SGCZ: variants seen among roughly 807,000 people sequenced by gnomAD.
SGCZ encodes the protein zeta-sarcoglycan.
In SGCZ, 40 loss-of-function variants were observed where a neutral mutation model predicts 41.3. That is an observed-to-expected ratio of 0.97 (90% CI 0.75 to 1.26). The LOEUF is 1.26. Ranked by LOEUF, SGCZ falls within the 50% of genes most tolerant of loss-of-function variation. The pLI is 0.00. For synonymous variants in SGCZ, 206 were observed against 137.5 expected (o/e 1.50, Z -3.49); for missense variants, 552 against 369.8 (o/e 1.49, Z -4.04).
intron 1 of SGCZ, among the ~76,000 whole-genome samples, chr8:14,599,394 C>T (rs544869671): frequency 9.2e-5 from 14 of 152,288 alleles, no homozygotes; most frequent in African/African-American, 3.1e-4. Context: ...CTCTCACCTA[C>T]TCAGCACATA....
intron 1 of SGCZ, among the ~76,000 whole-genome samples, chr8:14,694,128 G>A (rs1444102282): frequency 6.6e-6 from 1 of 152,092 alleles, no homozygotes; most frequent in East Asian, 1.9e-4. Context: ...TAATATGTAT[G>A]AAAAACAGAG....
chr8:14,474,816 G>A (rs756651161), intron 2 of SGCZ, among the ~76,000 whole-genome samples: 1 of 152,138 alleles, frequency 6.6e-6, no homozygotes, highest in Non-Finnish European at 1.5e-5. Context: ...CCACCAAAGA[G>A]ATATTGGATT....
intron 2 of SGCZ, among the ~76,000 whole-genome samples, chr8:14,357,508 T>A (rs1194067438): frequency 6.6e-6 from 1 of 152,172 alleles, no homozygotes; most frequent in Non-Finnish European, 1.5e-5. Flanking sequence ...CAGAACTATA[T>A]GCTGTACCTT....
intron 1 of SGCZ, among the ~76,000 whole-genome samples, chr8:14,945,813 T>C (rs917806626): frequency 2.0e-5 from 3 of 150,950 alleles, no homozygotes; most frequent in African/African-American, 7.3e-5. Context: ...ACTCAGGAAC[T>C]AACACCAGTT....
At chr8:14,603,488 A>G (rs919978376) in intron 1 of SGCZ, among the ~76,000 whole-genome samples, 1 of 152,108 alleles carries the variant, frequency 6.6e-6, no homozygotes, top group Non-Finnish European at 1.5e-5. Flanking sequence ...AAGCTTAGGT[A>G]CCGAAAGATG....
intron 1 of SGCZ, among the ~76,000 whole-genome samples, chr8:14,812,370 A>G (rs768916090): frequency 4.6e-4 from 70 of 152,100 alleles, no homozygotes; most frequent in Non-Finnish European, 9.0e-4. Context: ...CAAATTGCCT[A>G]TGAATTGTTA....
chr8:14,087,554 G>A lies in SGCZ; in HGVS notation c.*2889C>T, dbSNP rs1322984932. The stretch of plus-strand genomic sequence containing the variant: ...AATAAGATAGCTTAGTCGCATCCAT[G>A]TAGTACACTATAAAGGACTCATTTT... On this transcript the variant is annotated 3_prime_UTR_variant, in exon 8 of 8. Coordinates refer to ENST00000382080, the MANE Select transcript of SGCZ (RefSeq NM_139167.4). Among the ~76,000 whole-genome samples, 7 of 151,504 alleles carry A rather than the reference G, an allele frequency of 4.6e-5. No homozygotes were observed. In the East Asian group the frequency reaches 9.7e-4, roughly 21 times the overall value.
intron 2 of SGCZ, among the ~76,000 whole-genome samples, chr8:14,430,253 T>C (rs1487981293): frequency 6.6e-6 from 1 of 152,060 alleles, no homozygotes; most frequent in Non-Finnish European, 1.5e-5. Flanking sequence ...AAAAGAAACC[T>C]ACAGACCACT....
At chr8:14,190,672 G>A (rs1362725996) in intron 4 of SGCZ, among the ~76,000 whole-genome samples, 6 of 151,770 alleles carry the variant, frequency 4.0e-5, no homozygotes, top group African/African-American at 7.3e-5. Context: ...ACGCGATCTC[G>A]GCTCACTACA....
intron 1 of SGCZ, among the ~76,000 whole-genome samples, chr8:15,021,235 A>G (rs1228948353): frequency 2.0e-5 from 3 of 152,228 alleles, no homozygotes; most frequent in Non-Finnish European, 4.4e-5. Flanking sequence ...TAAAGAAAAA[A>G]GAAGTGCAAT....
chr8:15,149,177 T>C (rs78249927), intron 1 of SGCZ, among the ~76,000 whole-genome samples: 1 of 129,872 alleles, frequency 7.7e-6, no homozygotes, highest in African/African-American at 2.8e-5. Context: ...ATTATTCTTA[T>C]TTTTTTTTAT....
At chr8:14,236,550 G>C (rs1297268788) in intron 4 of SGCZ, among the ~76,000 whole-genome samples, 1 of 151,514 alleles carries the variant, frequency 6.6e-6, no homozygotes, top group African/African-American at 2.4e-5. Context: ...AGAAATATTG[G>C]AAATATACAT....
intron 1 of SGCZ, among the ~76,000 whole-genome samples, chr8:14,581,607 G>C (rs1804891528): frequency 6.6e-6 from 1 of 152,036 alleles, no homozygotes; most frequent in Non-Finnish European, 1.5e-5. Flanking sequence ...AGGCAAAACA[G>C]AATCACCTGT....
chr8:14,443,875 A>G (rs1800349142), intron 2 of SGCZ, among the ~76,000 whole-genome samples: 3 of 152,182 alleles, frequency 2.0e-5, no homozygotes, highest in African/African-American at 7.2e-5. Flanking sequence ...TGAACAGGCA[A>G]CCTACAGAAT....
At chr8:14,650,348 T>G (rs1807357177) in intron 1 of SGCZ, among the ~76,000 whole-genome samples, 1 of 152,028 alleles carries the variant, frequency 6.6e-6, no homozygotes, top group African/African-American at 2.4e-5. Flanking sequence ...GGATGATGTT[T>G]TTTAAAAAAC....
At chr8:14,818,816 T>A (rs1033988362) in intron 1 of SGCZ, among the ~76,000 whole-genome samples, 2 of 151,814 alleles carry the variant, frequency 1.3e-5, no homozygotes, top group East Asian at 3.9e-4. Context: ...ACAGATTAGA[T>A]CAAGCAGAAG....
At chr8:14,410,792 A>AAACG (rs1799339450) in intron 2 of SGCZ, among the ~76,000 whole-genome samples, 2 of 152,156 alleles carry the variant, frequency 1.3e-5, no homozygotes, top group Admixed American at 1.3e-4. Context: ...AAAACCAATG[A>AAACG]AACGAACAAA....
chr8:14,921,411 C>A (rs977498792), intron 1 of SGCZ, among the ~76,000 whole-genome samples: 3 of 151,952 alleles, frequency 2.0e-5, no homozygotes, highest in African/African-American at 4.8e-5. Flanking sequence ...ATGGGGAGAG[C>A]AATGACCCCT....
chr8:14,161,912 A>T (rs1804058775), intron 5 of SGCZ, among the ~76,000 whole-genome samples: 1 of 152,142 alleles, frequency 6.6e-6, no homozygotes, highest in African/African-American at 2.4e-5. Context: ...CATTTTACAC[A>T]CACATGGGAT....
Sources: gnomAD v4.1 joint callset for allele counts (sites outside exome capture counted in the v4.1 genomes callset) on GRCh38, gnomAD v4.1.1 for gene constraint, MANE v1.5 for transcripts, NCBI Gene and HGNC (gene_info 2026-07-23, HGNC 2026-07-21) for gene names.